CCDC82: variants seen among roughly 807,000 people sequenced by gnomAD.
CCDC82 encodes coiled-coil domain containing 82.
Under a neutral mutation model 60.6 loss-of-function variants are expected in CCDC82, and 47 were observed. That is an observed-to-expected ratio of 0.77 (90% CI 0.61 to 0.99). CCDC82 has a LOEUF of 0.99. CCDC82 is among the 50% of genes least tolerant of loss of function. The probability of loss-of-function intolerance (pLI) is 0.00; values close to 1 mark genes in which losing one functional copy is unlikely to be tolerated. For missense variants in CCDC82, 588 were observed against 633.0 expected, an observed-to-expected ratio of 0.93 and a Z score of 0.76; for synonymous variants, 212 against 207.4, an observed-to-expected ratio of 1.02 and a Z score of -0.19.
At chr11:96,354,615 T>C (rs1320122112) in intron 9 of CCDC82, 1 of 151,976 alleles carries the variant, frequency 6.6e-6, no homozygotes, top group East Asian at 1.9e-4. Flanking sequence ...CAAATCTGAG[T>C]CATGGCAATG....
chr11:96,357,721 T>A, intron 9 of CCDC82: 1 of 985,288 alleles, frequency 1.0e-6, no homozygotes, highest in Non-Finnish European at 1.2e-6. Flanking sequence ...CACTAGAGGG[T>A]TGGCAACACT....
intron 8 of CCDC82, chr11:96,363,637 G>C (rs1591173076): frequency 6.6e-6 from 1 of 152,048 alleles, no homozygotes; most frequent in Admixed American, 6.6e-5. Flanking sequence ...TAGACATTGA[G>C]TATGTATATA....
At chr11:96,384,896 A>G in intron 3 of CCDC82, 135 bp from the exon 4 acceptor site, 1 of 557,244 alleles carries the variant, frequency 1.8e-6, no homozygotes, top group Non-Finnish European at 3.1e-6. Context: ...TATCTGAGTG[A>G]AGATGGTAGA....
At chr11:96,381,595 G>C (rs1865880902) in intron 5 of CCDC82, 1 of 151,570 alleles carries the variant, frequency 6.6e-6, no homozygotes, top group Admixed American at 6.6e-5. Flanking sequence ...AAATTTTGTA[G>C]AATTATAGGA....
intron 1 of CCDC82, chr11:96,387,819 G>GGCAA (rs1866284504): frequency 6.6e-6 from 1 of 152,068 alleles, no homozygotes; most frequent in Admixed American, 6.5e-5. Context: ...TTATCCACCA[G>GGCAA]GCAAGAAAAG....
intron 5 of CCDC82, among the ~76,000 whole-genome samples, chr11:96,377,018 A>G (rs1215298959): frequency 6.6e-6 from 1 of 152,134 alleles, no homozygotes; most frequent in Non-Finnish European, 1.5e-5. Flanking sequence ...CACAACCCCC[A>G]GGAGGATGTG....
In CCDC82 at chr11:96,383,999, C is replaced by A; in HGVS notation, c.749G>T (p.Arg250Ile). The A allele has an allele frequency of 1.2e-6, 2 of 1,613,222 alleles. No individual in the cohort carries two copies. The highest frequency in any genetic ancestry group is 2.2e-5 in the South Asian group (2 of 90,992). The change falls in exon 4 of 10, where the codon AGA becomes ATA. Residue 250 changes from arginine (R) to isoleucine (I), a missense_variant. Transcript: ENST00000646818. ...LQKLKELSKQ[R>I]SRQRRSSGRD... is the part of the protein sequence containing the mutation. ...ACCACTACTGCGTCTCTGACGAGAT[C>A]TTTGTTTTGAGAGTTCTTTGAGCTT... is the stretch of plus-strand genomic sequence containing the variant.
intron 5 of CCDC82, chr11:96,380,710 T>C (rs1263636371): frequency 6.6e-6 from 1 of 151,772 alleles, no homozygotes; most frequent in Non-Finnish European, 1.5e-5. Context: ...TAAGTGCATA[T>C]TATTAAGTGA....
At chr11:96,357,547 T>C (rs1199702521) in intron 9 of CCDC82, 1 of 985,366 alleles carries the variant, frequency 1.0e-6, no homozygotes, top group African/African-American at 1.7e-5. Context: ...TGTTAAGCTT[T>C]TTCTAGGATA....
At chr11:96,357,890 A>G (rs1407615837) in intron 9 of CCDC82, 11 of 985,324 alleles carry the variant, frequency 1.1e-5, no homozygotes, top group Non-Finnish European at 1.3e-5. Flanking sequence ...GTAAAAGACA[A>G]AAAGCTGAAA....
intron 9 of CCDC82, chr11:96,356,612 T>C (rs573756064): frequency 2.0e-4 from 194 of 976,444 alleles, no homozygotes; most frequent in Non-Finnish European, 2.3e-4. Context: ...GAGTATGTTA[T>C]TGAACTCTTC....
intron 6 of CCDC82, 125 bp downstream of exon 6, chr11:96,373,250 C>A: frequency 1.7e-6 from 1 of 584,556 alleles, no homozygotes; most frequent in Non-Finnish European, 3.1e-6. Context: ...ACAGGGAAAA[C>A]ATTGGAAGGT....
intron 1 of CCDC82, chr11:96,389,438 C>T (rs911718735): frequency 6.6e-6 from 1 of 152,308 alleles, no homozygotes. Context: ...GAGGGAGGGG[C>T]ACAGTAGCTA....
chr11:96,386,081 C>G (rs993647926), intron 3 of CCDC82, 173 bp downstream of exon 3: 1 of 152,144 alleles, frequency 6.6e-6, no homozygotes, highest in Non-Finnish European at 1.5e-5. Flanking sequence ...TTAACACCCA[C>G]TTCATTCACT....
rs181275046 is a variant in CCDC82 at position 96,378,789 on chromosome 11, C to T, written c.991+4480G>A. ...TGCAATGGACCACTGCTATTTTGTC[C>T]CTCTACTCCCTACCATATCTTTTCC... On this transcript the variant is annotated intron_variant, in intron 5 of 9. Transcript: ENST00000646818. Among the ~76,000 whole-genome samples the T allele has an allele frequency of 7.2e-5, 11 of 151,870 alleles. No homozygotes were observed. The East Asian group carries it at 1.9e-3, about 27-fold the overall frequency.
At chr11:96,365,911 C>A (rs924234474) in intron 7 of CCDC82, among the ~76,000 whole-genome samples, 2 of 152,134 alleles carry the variant, frequency 1.3e-5, no homozygotes, top group African/African-American at 4.8e-5. Context: ...GTTACTAAAC[C>A]ACATTCATAT....
At chr11:96,356,930 T>C (rs1661366986) in intron 9 of CCDC82, 1 of 985,126 alleles carries the variant, frequency 1.0e-6, no homozygotes, top group South Asian at 4.7e-5. Context: ...CAGGAACAAA[T>C]AGTACGTGTA....
chr11:96,358,873 C>A, intron 9 of CCDC82, 120 bp downstream of exon 9: 1 of 1,008,472 alleles, frequency 9.9e-7, no homozygotes, highest in Non-Finnish European at 1.5e-6. Flanking sequence ...AGAGAAAATA[C>A]AAACGACAGA....
chr11:96,364,046 T>C (rs10831515), intron 8 of CCDC82: 32,111 of 152,000 alleles, frequency 0.21, 3,503 homozygotes, highest in East Asian at 0.31. Flanking sequence ...ATTTTCTTAC[T>C]CCACTTTCCT....
Sources: allele counts gnomAD v4.1 joint callset (sites outside exome capture counted in the v4.1 genomes callset), GRCh38; gene constraint gnomAD v4.1.1; transcripts MANE v1.5; gene names NCBI Gene and HGNC (gene_info 2026-07-23, HGNC 2026-07-21).